The following STXBP5L variants were observed in gnomAD, a reference collection of about 807,000 sequenced individuals.
STXBP5L encodes the protein syntaxin binding protein 5L.
STXBP5L carries 65 observed loss-of-function variants against 144.5 expected under a neutral mutation model. That is an observed-to-expected ratio of 0.45 (90% CI 0.37 to 0.55). The LOEUF (loss-of-function observed/expected upper bound fraction) is 0.55. Ranked by LOEUF, STXBP5L falls within the 20% of genes least tolerant of loss-of-function variation. The pLI, the probability that STXBP5L is intolerant of heterozygous loss-of-function variation, is 0.00. For synonymous variants in STXBP5L, 505 were observed against 469.6 expected (o/e 1.08, Z -0.97); for missense variants, 1,298 against 1,405.5 (o/e 0.92, Z 1.22).
At chr3:121,052,567 A>C (rs1948101474) in intron 5 of STXBP5L, among the ~76,000 whole-genome samples, 1 of 152,226 alleles carries the variant, frequency 6.6e-6, no homozygotes, top group Non-Finnish European at 1.5e-5. Context: ...AAAAACTCTC[A>C]ACAAATTAGG....
At chr3:121,076,964 A>G (rs1165009486) in intron 5 of STXBP5L, among the ~76,000 whole-genome samples, 4 of 151,916 alleles carry the variant, frequency 2.6e-5, no homozygotes, top group Non-Finnish European at 5.9e-5. Flanking sequence ...GGTTCTATGG[A>G]CTGTATGCAG....
intron 7 of STXBP5L, among the ~76,000 whole-genome samples, chr3:121,147,797 G>T (rs1023603505): frequency 2.0e-5 from 3 of 152,160 alleles, no homozygotes; most frequent in African/African-American, 7.2e-5. Flanking sequence ...GGCCTGAATA[G>T]AACAAAAAGG....
At chr3:121,331,936 A>G (rs1196109624) in intron 20 of STXBP5L, among the ~76,000 whole-genome samples, 1 of 152,144 alleles carries the variant, frequency 6.6e-6, no homozygotes. Flanking sequence ...CACCACAACC[A>G]GCATCTGAGA....
intron 20 of STXBP5L, among the ~76,000 whole-genome samples, chr3:121,337,439 T>TG (rs892452100): frequency 1.4e-5 from 1 of 71,096 alleles, no homozygotes; most frequent in South Asian, 4.7e-4. Context: ...GCAACAACAG[T>TG]AAAAAAAAAA....
chr3:121,202,832 T>A (rs2048188640), intron 9 of STXBP5L, among the ~76,000 whole-genome samples: 1 of 152,042 alleles, frequency 6.6e-6, no homozygotes, highest in Non-Finnish European at 1.5e-5. Flanking sequence ...TTTTTTCTTT[T>A]AAGCATGTTT....
intron 6 of STXBP5L, among the ~76,000 whole-genome samples, chr3:121,119,434 T>G (rs2044364717): frequency 6.6e-6 from 1 of 151,428 alleles, no homozygotes; most frequent in African/African-American, 2.4e-5. Flanking sequence ...TATCAATATT[T>G]AAGATATGGG....
intron 20 of STXBP5L, among the ~76,000 whole-genome samples, chr3:121,356,687 T>C (rs2045526654): frequency 6.6e-6 from 1 of 152,178 alleles, no homozygotes; most frequent in African/African-American, 2.4e-5. Context: ...TCACCCTCCA[T>C]GGGCTGCACC....
chr3:121,031,188 A>T (rs1946343047), intron 3 of STXBP5L, among the ~76,000 whole-genome samples: 1 of 152,122 alleles, frequency 6.6e-6, no homozygotes, highest in Non-Finnish European at 1.5e-5. Context: ...GGAGACTTTT[A>T]AACAGGAATG....
chr3:120,917,359 AT>A (rs1709154699), intron 2 of STXBP5L, among the ~76,000 whole-genome samples: 1 of 152,182 alleles, frequency 6.6e-6, no homozygotes, highest in Non-Finnish European at 1.5e-5. Context: ...AGTAGGGGAG[AT>A]GTGTGAGGAA....
chr3:121,031,059 A>G (rs1002684936), intron 3 of STXBP5L, among the ~76,000 whole-genome samples: 1 of 152,084 alleles, frequency 6.6e-6, no homozygotes, highest in Non-Finnish European at 1.5e-5. Context: ...TCTTTATTGC[A>G]TGTGAGAATT....
chr3:121,366,298 C>A (rs1466654367), intron 20 of STXBP5L, among the ~76,000 whole-genome samples: 1 of 151,840 alleles, frequency 6.6e-6, no homozygotes, highest in Admixed American at 6.6e-5. Flanking sequence ...ATTAAGTCCT[C>A]TTTTCTCTTA....
chr3:121,086,000 C>A (rs2042472779), intron 5 of STXBP5L, among the ~76,000 whole-genome samples: 2 of 152,074 alleles, frequency 1.3e-5, no homozygotes, highest in South Asian at 4.1e-4. Flanking sequence ...GAATAAAGAT[C>A]TCAGAAATAA....
At chr3:121,166,519 A>G (rs1000396226) in intron 9 of STXBP5L, among the ~76,000 whole-genome samples, 9 of 152,318 alleles carry the variant, frequency 5.9e-5, no homozygotes, top group Non-Finnish European at 1.2e-4. Flanking sequence ...TAATTTGCAA[A>G]TCTAATAATC....
intron 3 of STXBP5L, among the ~76,000 whole-genome samples, chr3:120,960,829 C>T (rs1207455567): frequency 6.6e-6 from 1 of 151,542 alleles, no homozygotes; most frequent in Non-Finnish European, 1.5e-5. Context: ...TTAATGGGTG[C>T]AGCACACCAG....
intron 2 of STXBP5L, among the ~76,000 whole-genome samples, chr3:120,945,984 A>G (rs1376415347): frequency 6.6e-6 from 1 of 151,826 alleles, no homozygotes; most frequent in African/African-American, 2.4e-5. Context: ...TGCAACTTTC[A>G]CAGCATGAAC....
At chr3:121,302,036 G>A (rs1013542517) in intron 19 of STXBP5L, among the ~76,000 whole-genome samples, 2 of 152,094 alleles carry the variant, frequency 1.3e-5, no homozygotes, top group African/African-American at 4.8e-5. Flanking sequence ...GCCCGGCTTT[G>A]GTATCAGGAT....
chr3:121,338,529 G>A (rs1264426129), intron 20 of STXBP5L, among the ~76,000 whole-genome samples: 1 of 142,454 alleles, frequency 7.0e-6, no homozygotes, highest in Non-Finnish European at 1.5e-5. Flanking sequence ...TGTAATCCCA[G>A]CTACTTGGGA....
intron 18 of STXBP5L, among the ~76,000 whole-genome samples, chr3:121,279,021 A>G (rs1037992957): frequency 4.6e-5 from 7 of 151,886 alleles, no homozygotes; most frequent in African/African-American, 1.7e-4. Flanking sequence ...TGGAACGTAC[A>G]TAAAACAAGC....
intron 9 of STXBP5L, among the ~76,000 whole-genome samples, chr3:121,167,573 T>G (rs1256086247): frequency 6.6e-6 from 1 of 151,712 alleles, no homozygotes; most frequent in Non-Finnish European, 1.5e-5. Context: ...AAGTTCAAAC[T>G]GGGTGGAGCC....
Sources: gnomAD v4.1 joint callset for allele counts (sites outside exome capture counted in the v4.1 genomes callset) on GRCh38, gnomAD v4.1.1 for gene constraint, MANE v1.5 for transcripts, NCBI Gene and HGNC (gene_info 2026-07-23, HGNC 2026-07-21) for gene names.